The following GRID2 variants were observed in gnomAD, a reference collection of about 807,000 sequenced individuals.
The protein encoded by GRID2 is glutamate ionotropic receptor delta type subunit 2.
Under a neutral mutation model 114.8 loss-of-function variants are expected in GRID2, and 33 were observed. That is an observed-to-expected ratio of 0.29 (90% CI 0.22 to 0.38). The LOEUF (loss-of-function observed/expected upper bound fraction) is 0.38, where lower values mean the gene tolerates loss of function less well. GRID2 is among the 10% of genes least tolerant of loss of function. The pLI is 1.00. For synonymous variants in GRID2, 505 were observed against 449.9 expected (o/e 1.12, Z -1.55); for missense variants, 1,184 against 1,257.7 (o/e 0.94, Z 0.89).
At chr4:93,361,007 T>C (rs1304895176) in intron 8 of GRID2, among the ~76,000 whole-genome samples, 1 of 152,082 alleles carries the variant, frequency 6.6e-6, no homozygotes, top group Non-Finnish European at 1.5e-5. Flanking sequence ...TATTGAATAA[T>C]TTTTCTCCAA....
At chr4:92,470,690 T>A (rs555136090) in intron 1 of GRID2, among the ~76,000 whole-genome samples, 26 of 152,116 alleles carry the variant, frequency 1.7e-4, no homozygotes, top group Admixed American at 1.4e-3. Flanking sequence ...AAGAACTGAC[T>A]GCAATCATTC....
At chr4:93,232,057 C>T (rs1746210820) in intron 7 of GRID2, among the ~76,000 whole-genome samples, 1 of 152,024 alleles carries the variant, frequency 6.6e-6, no homozygotes, top group South Asian at 2.1e-4. Flanking sequence ...ATCATTTGTA[C>T]AATGACAAGA....
intron 5 of GRID2, among the ~76,000 whole-genome samples, chr4:93,215,879 G>T (rs547148603): frequency 6.6e-6 from 1 of 151,700 alleles, no homozygotes; most frequent in South Asian, 2.1e-4. Flanking sequence ...TTCTGTTGCC[G>T]TAAAAATTGA....
chr4:92,694,309 T>C (rs1293789464), intron 2 of GRID2, among the ~76,000 whole-genome samples: 1 of 152,114 alleles, frequency 6.6e-6, no homozygotes, highest in Non-Finnish European at 1.5e-5. Context: ...TCCAGGGAGC[T>C]AATTGAGGTC....
At chr4:92,876,224 G>A (rs565711324) in intron 2 of GRID2, among the ~76,000 whole-genome samples, 17 of 150,584 alleles carry the variant, frequency 1.1e-4, no homozygotes, top group African/African-American at 3.7e-4. Context: ...TCTCTGTTTC[G>A]AACAGCAAAT....
chr4:93,151,188 A>T (rs969731369), intron 4 of GRID2, among the ~76,000 whole-genome samples: 6 of 151,744 alleles, frequency 4.0e-5, no homozygotes. Context: ...CCTCCAGCTC[A>T]TATCTATTCC....
In GRID2 at chr4:92,386,473, C is replaced by T. The variant is rs537649612; in HGVS notation, c.88+81729C>T. 1.1e-4 allele frequency among the ~76,000 whole-genome samples: 16 copies of T among 151,670 alleles called. No homozygotes were observed. In the South Asian group the frequency reaches 3.3e-3, roughly 31 times the overall value. On this transcript the variant is annotated intron_variant, in intron 1 of 15. Coordinates refer to ENST00000282020, the MANE Select transcript of GRID2 (RefSeq NM_001510.4). ...AGCAGTAGCACAGTAATGACAAAGA[C>T]ATATTATGGAAATAAATAGTAATTA... is the stretch of plus-strand genomic sequence containing the variant.
chr4:92,847,889 A>G (rs1374842127), intron 2 of GRID2, among the ~76,000 whole-genome samples: 2 of 152,020 alleles, frequency 1.3e-5, no homozygotes, highest in Admixed American at 1.3e-4. Context: ...TTTATTCAGT[A>G]GACAGTATTA....
rs75077482 is a variant in GRID2, at chr4:92,407,400, C to T, written c.88+102656C>T. 2.3e-3 allele frequency among the ~76,000 whole-genome samples: 352 copies of T among 152,202 alleles called. 2 individuals are homozygous for T. The highest frequency in any genetic ancestry group is 7.4e-3 in the African/African-American group (309 of 41,532). On this transcript the variant is annotated intron_variant, in intron 1 of 15. Transcript: ENST00000282020. ...TAGTGCTGCAGTGAACATATAGGTG[C>T]GTAGGTCTTTTTGATAGAATGAATT... is the stretch of plus-strand genomic sequence containing the variant.
intron 1 of GRID2, among the ~76,000 whole-genome samples, chr4:92,452,380 C>T (rs927636970): frequency 4.0e-5 from 6 of 150,914 alleles, no homozygotes; most frequent in South Asian, 2.1e-4. Flanking sequence ...TGCAGTGGCA[C>T]GATCTTGGCT....
chr4:93,190,356 T>C (rs1740865782), intron 4 of GRID2, among the ~76,000 whole-genome samples: 1 of 152,150 alleles, frequency 6.6e-6, no homozygotes, highest in Non-Finnish European at 1.5e-5. Context: ...TAAAGAGGAC[T>C]TAATTCAGCT....
At chr4:93,244,530 A>C (rs1747947615) in intron 8 of GRID2, among the ~76,000 whole-genome samples, 1 of 29,680 alleles carries the variant, frequency 3.4e-5, no homozygotes, top group Non-Finnish European at 6.0e-5. Context: ...TTAATAGATT[A>C]TATAATCTAT....
chr4:93,446,738 C>T (rs1722129236), intron 10 of GRID2, among the ~76,000 whole-genome samples: 1 of 151,900 alleles, frequency 6.6e-6, no homozygotes, highest in Non-Finnish European at 1.5e-5. Flanking sequence ...TGAATTCTGG[C>T]TGAAGTATTT....
chr4:93,380,341 G>A (rs1407586330), intron 8 of GRID2, among the ~76,000 whole-genome samples: 1 of 151,900 alleles, frequency 6.6e-6, no homozygotes, highest in African/African-American at 2.4e-5. Flanking sequence ...TTCCCCTAGA[G>A]CCTTTGGATA....
In GRID2 at chr4:93,666,837, T is replaced by C. The variant is rs1723990041; in HGVS notation, c.2360+40402T>C. On this transcript the variant is annotated intron_variant, in intron 14 of 15. Coordinates refer to ENST00000282020, the MANE Select transcript of GRID2 (RefSeq NM_001510.4). ...TTCCTTAAGAAAGACACAACTACTT[T>C]AGAAAATGAACCTACAACATTAATG... Among the ~76,000 whole-genome samples the C allele has an allele frequency of 2.6e-5, 4 of 152,124 alleles. No individual in the cohort carries two copies. In the South Asian group the frequency reaches 8.3e-4, roughly 32 times the overall value.
intron 2 of GRID2, among the ~76,000 whole-genome samples, chr4:92,772,584 T>G (rs1212269064): frequency 6.6e-6 from 1 of 152,178 alleles, no homozygotes; most frequent in Non-Finnish European, 1.5e-5. Context: ...ATATTGTAGA[T>G]ATTATCCCAT....
chr4:93,432,893 C>A (rs1769555568), intron 10 of GRID2, among the ~76,000 whole-genome samples: 1 of 151,920 alleles, frequency 6.6e-6, no homozygotes, highest in Non-Finnish European at 1.5e-5. Context: ...GAGACCTCCA[C>A]CTCTAAAAAA....
At chr4:93,075,883 C>CTCTTTTTTTTTTTT (rs1490779668) in intron 2 of GRID2, among the ~76,000 whole-genome samples, 3 of 76,606 alleles carry the variant, frequency 3.9e-5, no homozygotes, top group African/African-American at 1.6e-4. Context: ...AGTTACCTCT[C>CTCTTTTTTTTTTTT]TTTTTTTTTT....
intron 13 of GRID2, among the ~76,000 whole-genome samples, chr4:93,527,775 T>A (rs758955882): frequency 3.3e-4 from 51 of 152,262 alleles, no homozygotes; most frequent in Admixed American, 2.5e-3. Flanking sequence ...ATTAAATACA[T>A]TTACATTATT....
Sources: allele counts gnomAD v4.1 joint callset (sites outside exome capture counted in the v4.1 genomes callset), GRCh38; gene constraint gnomAD v4.1.1; transcripts MANE v1.5; gene names NCBI Gene and HGNC (gene_info 2026-07-23, HGNC 2026-07-21).